The following RIT2 variants were observed in gnomAD, a reference collection of about 807,000 sequenced individuals.
RIT2 encodes GTP-binding protein Rit2.
A neutral mutation model predicts 23.7 loss-of-function variants in RIT2; 24 were observed. The ratio of observed to expected loss-of-function variants is 1.01; its 90% confidence interval spans 0.73 to 1.43. The LOEUF (loss-of-function observed/expected upper bound fraction) is 1.43. Ranked by LOEUF, RIT2 falls within the 40% of genes most tolerant of loss-of-function variation. The pLI, the probability that RIT2 is intolerant of heterozygous loss-of-function variation, is 0.00. For synonymous variants in RIT2, 107 were observed against 91.1 expected (o/e 1.17, Z -0.99); for missense variants, 236 against 266.9 (o/e 0.88, Z 0.81).
At chr18:42,812,564 T>C (rs944238492) in intron 4 of RIT2, among the ~76,000 whole-genome samples, 28 of 152,174 alleles carry the variant, frequency 1.8e-4, no homozygotes, top group African/African-American at 6.5e-4. Flanking sequence ...TGATTTTAAG[T>C]GTTCTACTCC....
At chr18:42,930,165 A>G (rs913246637) in intron 3 of RIT2, among the ~76,000 whole-genome samples, 1 of 152,150 alleles carries the variant, frequency 6.6e-6, no homozygotes, top group Non-Finnish European at 1.5e-5. Flanking sequence ...ATAGGAAACC[A>G]AGAACTCAGG....
At chr18:42,921,744 T>C (rs1020297014) in intron 4 of RIT2, among the ~76,000 whole-genome samples, 1 of 152,132 alleles carries the variant, frequency 6.6e-6, no homozygotes, top group African/African-American at 2.4e-5. Flanking sequence ...TCAGAGGTTT[T>C]TGTTCTCCAG....
At chr18:42,842,161 A>G (rs1357537315) in intron 4 of RIT2, among the ~76,000 whole-genome samples, 3 of 152,116 alleles carry the variant, frequency 2.0e-5, no homozygotes, top group Non-Finnish European at 4.4e-5. Context: ...TGCCAGGTTC[A>G]CCTTCTGTGT....
chr18:42,810,567 TAGAG>T (rs1011233554), intron 4 of RIT2, among the ~76,000 whole-genome samples: 12 of 152,006 alleles, frequency 7.9e-5, no homozygotes, highest in African/African-American at 2.6e-4. Flanking sequence ...TACCTGGAAA[TAGAG>T]AGGCTATTCT....
At chr18:43,060,173 C>T (rs375030003) in intron 1 of RIT2, among the ~76,000 whole-genome samples, 3 of 152,156 alleles carry the variant, frequency 2.0e-5, no homozygotes, top group South Asian at 2.1e-4. Flanking sequence ...ATTCCAACTC[C>T]CTGAATCAGA....
At chr18:43,041,733 T>C (rs1420450092) in intron 1 of RIT2, among the ~76,000 whole-genome samples, 1 of 152,114 alleles carries the variant, frequency 6.6e-6, no homozygotes, top group Non-Finnish European at 1.5e-5. Flanking sequence ...TAATTTACTA[T>C]TTCATTTTAA....
intron 4 of RIT2, among the ~76,000 whole-genome samples, chr18:42,777,317 G>T (rs79389567): frequency 2.0e-5 from 3 of 151,334 alleles, no homozygotes; most frequent in Non-Finnish European, 4.4e-5. Flanking sequence ...AGAGAAACAG[G>T]ACTGGAGACA....
chr18:42,976,834 G>A (rs1910487951), intron 2 of RIT2, among the ~76,000 whole-genome samples: 1 of 152,034 alleles, frequency 6.6e-6, no homozygotes, highest in Admixed American at 6.6e-5. Flanking sequence ...AAGTAAATAT[G>A]TAGTAATTCA....
intron 3 of RIT2, among the ~76,000 whole-genome samples, chr18:42,959,415 A>G (rs1257566594): frequency 6.6e-6 from 1 of 152,222 alleles, no homozygotes; most frequent in Non-Finnish European, 1.5e-5. Context: ...AACAAGTACT[A>G]TACTATCACT....
chr18:42,937,178 A>T (rs984591957), intron 3 of RIT2, among the ~76,000 whole-genome samples: 3 of 152,132 alleles, frequency 2.0e-5, no homozygotes, highest in African/African-American at 7.2e-5. Context: ...AAATAACACA[A>T]TGTGTGAAAA....
chr18:42,838,055 A>T lies in RIT2; in HGVS notation c.426+85517T>A, dbSNP rs1053586974. Among the ~76,000 whole-genome samples, 10 of 152,178 alleles carry T rather than the reference A, an allele frequency of 6.6e-5. No homozygotes were observed. The South Asian group carries it at 2.1e-3, about 32-fold the overall frequency. On this transcript the variant is annotated intron_variant, in intron 4 of 4. Transcript: ENST00000326695. ...TCAACACTGATTAACCCCATCTCTA[A>T]AGTGCTGAAATTCCCAGATCCCACT...
At chr18:42,926,506 A>G (rs750966984) in intron 3 of RIT2, among the ~76,000 whole-genome samples, 1 of 152,000 alleles carries the variant, frequency 6.6e-6, no homozygotes, top group Non-Finnish European at 1.5e-5. Flanking sequence ...TAAGAAAAAG[A>G]GTAAAGCATT....
chr18:43,107,577 T>C (rs1913854343), intron 1 of RIT2, among the ~76,000 whole-genome samples: 1 of 152,202 alleles, frequency 6.6e-6, no homozygotes. Context: ...TTTACTTTCT[T>C]TGTTTGCATG....
chr18:42,768,037 T>A (rs570735836), intron 4 of RIT2, among the ~76,000 whole-genome samples: 1 of 152,230 alleles, frequency 6.6e-6, no homozygotes, highest in East Asian at 1.9e-4. Flanking sequence ...AATACATATG[T>A]ATATACATGT....
At chr18:42,944,273 G>A (rs1474044800) in intron 3 of RIT2, among the ~76,000 whole-genome samples, 1 of 152,032 alleles carries the variant, frequency 6.6e-6, no homozygotes. Context: ...AATGTGCCAG[G>A]CAAACTCTCA....
intron 3 of RIT2, among the ~76,000 whole-genome samples, chr18:42,944,024 G>C (rs1909666557): frequency 6.6e-6 from 1 of 152,072 alleles, no homozygotes; most frequent in Admixed American, 6.6e-5. Context: ...CCCCTCCAGG[G>C]TCTGTTATCA....
At chr18:42,913,697 C>A (rs556712526) in intron 4 of RIT2, among the ~76,000 whole-genome samples, 1 of 151,954 alleles carries the variant, frequency 6.6e-6, no homozygotes, top group Admixed American at 6.6e-5. Context: ...AAGGTGGTTG[C>A]TAGGGACTGC....
intron 1 of RIT2, among the ~76,000 whole-genome samples, chr18:43,059,727 T>G (rs1912598000): frequency 6.6e-6 from 1 of 152,204 alleles, no homozygotes; most frequent in African/African-American, 2.4e-5. Flanking sequence ...AATGTGAAAT[T>G]TCTCCAGTTA....
chr18:43,087,851 A>G (rs1332161515), intron 1 of RIT2, among the ~76,000 whole-genome samples: 2 of 152,212 alleles, frequency 1.3e-5, no homozygotes, highest in Non-Finnish European at 2.9e-5. Flanking sequence ...AAACAGCACT[A>G]GTCGGGAAAC....
Sources: gnomAD v4.1 joint callset for allele counts (sites outside exome capture counted in the v4.1 genomes callset) on GRCh38, gnomAD v4.1.1 for gene constraint, MANE v1.5 for transcripts, NCBI Gene and HGNC (gene_info 2026-07-23, HGNC 2026-07-21) for gene names.